Variants in GPAT3 observed in about 807,000 individuals in gnomAD.
GPAT3 encodes the protein glycerol-3-phosphate acyltransferase 3, also known as 1-AGP acyltransferase 9.
Under a neutral mutation model 58.8 loss-of-function variants are expected in GPAT3, and 53 were observed. That is an observed-to-expected ratio of 0.90 (90% CI 0.72 to 1.13). The LOEUF (loss-of-function observed/expected upper bound fraction) is 1.13. Ranked by LOEUF, GPAT3 falls within the 50% of genes most tolerant of loss-of-function variation. The probability of loss-of-function intolerance (pLI) is 0.00; values close to 1 mark genes in which losing one functional copy is unlikely to be tolerated. For synonymous variants in GPAT3, 197 were observed against 187.4 expected, an observed-to-expected ratio of 1.05 and a Z score of -0.42; for missense variants, 511 against 527.6, an observed-to-expected ratio of 0.97 and a Z score of 0.31.
At chr4:83,595,037 C>A (rs1726765572) in intron 7 of GPAT3, 77 bp downstream of exon 7, 2 of 1,243,222 alleles carry the variant, frequency 1.6e-6, no homozygotes, top group East Asian at 2.4e-5. Context: ...CCAAAGAGGG[C>A]CGAGCAGCAC....
chr4:83,538,426 G>A (rs1724180902), intron 1 of GPAT3, among the ~76,000 whole-genome samples: 1 of 152,168 alleles, frequency 6.6e-6, no homozygotes, highest in Admixed American at 6.5e-5. Flanking sequence ...GCTTCCTAAT[G>A]TGAGATCTTC....
chr4:83,596,495 A>G (rs1726844586), intron 7 of GPAT3, among the ~76,000 whole-genome samples: 1 of 151,930 alleles, frequency 6.6e-6, no homozygotes, highest in African/African-American at 2.4e-5. Flanking sequence ...AGTGGTGCAT[A>G]TCTGTGGTTC....
intron 6 of GPAT3, among the ~76,000 whole-genome samples, chr4:83,591,163 G>T (rs907914194): frequency 6.6e-5 from 10 of 152,104 alleles, no homozygotes; most frequent in African/African-American, 2.4e-4. Flanking sequence ...CCATGGTTTG[G>T]TGTGTTTTTC....
intron 3 of GPAT3, among the ~76,000 whole-genome samples, 162 bp from the exon 4 acceptor site, chr4:83,587,093 G>C (rs544922537): frequency 6.6e-6 from 1 of 152,246 alleles, no homozygotes; most frequent in Admixed American, 6.5e-5. Flanking sequence ...ACATTCTTCC[G>C]TGTTAGATCT....
intron 3 of GPAT3, among the ~76,000 whole-genome samples, chr4:83,583,667 G>GAAAAAAAAAAAAAAAAAAAAAAAAA (rs749976752): frequency 4.3e-5 from 1 of 23,464 alleles, no homozygotes; most frequent in Non-Finnish European, 7.2e-5. Flanking sequence ...ACTCTTGTCT[G>GAAAAAAAAAAAAAAAAAAAAAAAAA]AAAAAAAAAA....
rs1487048441 is a variant in GPAT3, at chr4:83,536,727, C to T, written c.105C>T (p.Ser35=). The stretch of plus-strand genomic sequence containing the variant: ...TCTTCGGAGTGTCTCTGGGCATCTC[C>T]GAGATCTACATGAAGATCCTAGTGA... The part of the protein sequence containing the change: ...PSVFGVSLGI[S]EIYMKILVKT... Residue 35 remains serine, a synonymous_variant, in exon 1 of 12, where the codon TCC becomes TCT. Transcript: ENST00000264409. 1.9e-6 allele frequency: 3 copies of T among 1,613,260 alleles called. No homozygotes were observed. The highest frequency in any genetic ancestry group is 2.2e-5 in the East Asian group (1 of 44,868).
intron 2 of GPAT3, among the ~76,000 whole-genome samples, chr4:83,552,374 T>C (rs1724788419): frequency 6.6e-6 from 1 of 152,194 alleles, no homozygotes; most frequent in African/African-American, 2.4e-5. Context: ...ACCCCACCCC[T>C]GCTCATTTGT....
At chr4:83,555,986 A>G (rs2110078942) in intron 2 of GPAT3, among the ~76,000 whole-genome samples, 1 of 152,342 alleles carries the variant, frequency 6.6e-6, no homozygotes, top group Non-Finnish European at 1.5e-5. Flanking sequence ...TTCTTATTAT[A>G]TAGTCACTTA....
In GPAT3 at chr4:83,568,609, G is replaced by A. The variant is rs540843804; in HGVS notation, c.209-12953G>A. ...TGCAAGCTCCGCCTCCCAGATTCACGCCATTCTTCTGCTTCAGCGTCCGGG... is the reference window on the plus strand; with the variant it reads ...TGCAAGCTCCGCCTCCCAGATTCACACCATTCTTCTGCTTCAGCGTCCGGG... On this transcript the variant is annotated intron_variant, in intron 2 of 11. Coordinates refer to ENST00000264409, the MANE Select transcript of GPAT3 (RefSeq NM_032717.5). Among the ~76,000 whole-genome samples, 4 of 151,334 alleles carry A rather than the reference G, an allele frequency of 2.6e-5. No individual in the cohort carries two copies. The East Asian group carries it at 5.8e-4, about 22-fold the overall frequency.
At chr4:83,579,098 C>CTTT (rs1726000367) in intron 2 of GPAT3, among the ~76,000 whole-genome samples, 1 of 106,806 alleles carries the variant, frequency 9.4e-6, no homozygotes, top group Non-Finnish European at 2.0e-5. Context: ...TTCCTTCCTT[C>CTTT]CTTCCTTCCT....
In GPAT3 at chr4:83,579,017, CCTTTCTTTCTTTCTTTCTTT is replaced by C. The variant is rs756095198; in HGVS notation, c.209-2501_209-2482del. On this transcript the variant is annotated intron_variant, in intron 2 of 11. Coordinates refer to ENST00000264409, the MANE Select transcript of GPAT3 (RefSeq NM_032717.5). ...CCTTCCTTCCTTCCTTCCTTCTTTC[CCTTTCTTTCTTTCTTTCTTT>C]CTTTCTTTCTTTCTTTCTTTCTTTC... Among the ~76,000 whole-genome samples the C allele has an allele frequency of 6.2e-3, 289 of 46,464 alleles. 15 individuals carry two copies. The highest frequency in any genetic ancestry group is 0.026 in the African/African-American group (274 of 10,572). The allele number at this position is 46,464 out of a possible 152,430, so 30.5% of individuals were successfully genotyped here. A position where few individuals can be genotyped will look rare whatever the true frequency, so the allele number is the denominator to read the frequency against.
intron 2 of GPAT3, among the ~76,000 whole-genome samples, chr4:83,547,391 T>A (rs906927111): frequency 2.0e-5 from 3 of 151,244 alleles, no homozygotes; most frequent in South Asian, 2.1e-4. Context: ...TAGCTGGGAC[T>A]ACAGGTGCCC....
At chr4:83,595,942 C>T (rs1726811090) in intron 7 of GPAT3, among the ~76,000 whole-genome samples, 1 of 152,136 alleles carries the variant, frequency 6.6e-6, no homozygotes, top group Admixed American at 6.5e-5. Context: ...AAAAACGATT[C>T]CCTATCTTGA....
chr4:83,537,228 C>G lies in GPAT3; in HGVS notation c.141+465C>G, dbSNP rs79408840. Among the ~76,000 whole-genome samples the G allele has an allele frequency of 7.9e-3, 1,204 of 152,214 alleles. 12 individuals carry two copies. The highest frequency in any genetic ancestry group is 0.026 in the African/African-American group (1,097 of 41,538). On this transcript the variant is annotated intron_variant, in intron 1 of 11. Transcript: ENST00000264409. Reference sequence around the variant, plus strand: ...CTTCTTTATGCCCAAGATAAGAGACCAATTGCTGGATGGCAGAAAGAAATC... The same window carrying G: ...CTTCTTTATGCCCAAGATAAGAGACGAATTGCTGGATGGCAGAAAGAAATC...
chr4:83,577,943 G>A (rs1725880393), intron 2 of GPAT3, among the ~76,000 whole-genome samples: 1 of 152,012 alleles, frequency 6.6e-6, no homozygotes. Flanking sequence ...GGGATTACAG[G>A]CGTGTGCCGC....
Position 83,598,150 on chromosome 4 carries a change from G to A in GPAT3, c.1096G>A (p.Val366Met), listed in dbSNP as rs774187292. 22 of 1,613,338 alleles carry A rather than the reference G, an allele frequency of 1.4e-5. No individual in the cohort carries two copies. Among genetic ancestry groups the A allele is most frequent in the Middle Eastern group, 3.3e-4 (2 of 6,078 alleles). ...GACCAGCTGGGCCATCGTCTGTGAC[G>A]TGTGGTACATGCCCCCCATGACCAG... is the stretch of plus-strand genomic sequence containing the variant. ...MMTSWAIVCD[V>M]WYMPPMTREE... Residue 366 changes from valine to methionine, a missense_variant, in exon 10 of 12, where the codon GTG becomes ATG. Val to Met is a conservative substitution (Grantham distance 21). Transcript: ENST00000264409.
At chr4:83,584,712 G>A (rs1192892059) in intron 3 of GPAT3, among the ~76,000 whole-genome samples, 1 of 152,174 alleles carries the variant, frequency 6.6e-6, no homozygotes, top group African/African-American at 2.4e-5. Context: ...CACCATGTTG[G>A]CCAGGCTGGT....
At chr4:83,565,111 AT>A (rs936114287) in intron 2 of GPAT3, among the ~76,000 whole-genome samples, 1 of 151,212 alleles carries the variant, frequency 6.6e-6, no homozygotes, top group Non-Finnish European at 1.5e-5. Flanking sequence ...TATTTATTTT[AT>A]TTTTTTGAGA....
chr4:83,576,838 A>G (rs953616453), intron 2 of GPAT3, among the ~76,000 whole-genome samples: 2 of 152,240 alleles, frequency 1.3e-5, no homozygotes, highest in African/African-American at 4.8e-5. Context: ...AAATTTGAAT[A>G]TACAAAGTTT....
Sources: gnomAD v4.1 joint callset for allele counts (sites outside exome capture counted in the v4.1 genomes callset) on GRCh38, gnomAD v4.1.1 for gene constraint, MANE v1.5 for transcripts, NCBI Gene and HGNC (gene_info 2026-07-23, HGNC 2026-07-21) for gene names.